The following NLN variants were observed in gnomAD, a reference collection of about 807,000 sequenced individuals.
The protein encoded by NLN is neurolysin, mitochondrial.
A neutral mutation model predicts 79.9 loss-of-function variants in NLN; 64 were observed. The ratio of observed to expected loss-of-function variants is 0.80; its 90% confidence interval spans 0.65 to 0.99. The LOEUF is 0.99. NLN is among the 50% of genes least tolerant of loss of function. The pLI, the probability that NLN is intolerant of heterozygous loss-of-function variation, is 0.00. For synonymous variants in NLN, 267 were observed against 296.6 expected (o/e 0.90, Z 1.02); for missense variants, 835 against 858.7 (o/e 0.97, Z 0.34).
intron 1 of NLN, among the ~76,000 whole-genome samples, chr5:65,740,307 C>T (rs1378550424): frequency 1.3e-5 from 2 of 152,022 alleles, no homozygotes; most frequent in Non-Finnish European, 1.5e-5. Context: ...ACAAAACTGG[C>T]TCCTATGACA....
chr5:65,726,383 ATAGC>A (rs1286612260), intron 1 of NLN, among the ~76,000 whole-genome samples: 1 of 152,240 alleles, frequency 6.6e-6, no homozygotes, highest in Admixed American at 6.5e-5. Flanking sequence ...AATGAAAAAT[ATAGC>A]TACTAGTATA....
rs1003232189 is a variant in NLN at position 65,828,980 on chromosome 5, TG to T, written c.*6066del. On this transcript the variant is annotated 3_prime_UTR_variant, in exon 13 of 13. Coordinates refer to ENST00000380985, the MANE Select transcript of NLN (RefSeq NM_020726.5). ...GGTTTTCTGGTGGGTATCTGGGAAC[TG>T]AGGATGGGAGATTAACTGTTGTATA... is the stretch of plus-strand genomic sequence containing the variant. 6.6e-6 allele frequency: 1 copy of T among 152,226 alleles called. No individual in the cohort carries two copies. Among genetic ancestry groups the T allele is most frequent in the African/African-American group, 2.4e-5 (1 of 41,460 alleles). 9.4% of individuals were successfully genotyped at this position (152,226 alleles called of 1,614,324 possible). A position where few individuals can be genotyped will look rare whatever the true frequency, so the allele number is the denominator to read the frequency against.
intron 3 of NLN, among the ~76,000 whole-genome samples, chr5:65,775,658 A>G (rs1759664708): frequency 2.0e-5 from 3 of 152,244 alleles, no homozygotes; most frequent in African/African-American, 4.8e-5. Flanking sequence ...CAAGTTAATC[A>G]CATCCGCAGG....
At chr5:65,822,242 C>T (rs1760819026) in intron 12 of NLN, among the ~76,000 whole-genome samples, 1 of 152,224 alleles carries the variant, frequency 6.6e-6, no homozygotes, top group South Asian at 2.1e-4. Flanking sequence ...GCATCGGACC[C>T]ACAAAAATGT....
rs1189131040 is a variant in NLN at position 65,828,747 on chromosome 5, T to C, written c.*5832T>C. ...GAGTTGACATTTGTGCCAAACCGGCTTTTAGGGCTTCTCCAGCTTTTAAGA... is the reference window on the plus strand; with the variant it reads ...GAGTTGACATTTGTGCCAAACCGGCCTTTAGGGCTTCTCCAGCTTTTAAGA... On this transcript the variant is annotated 3_prime_UTR_variant, in exon 13 of 13. Coordinates refer to ENST00000380985, the MANE Select transcript of NLN (RefSeq NM_020726.5). 1.3e-5 allele frequency: 2 copies of C among 152,208 alleles called. No individual in the cohort carries two copies. Among genetic ancestry groups the C allele is most frequent in the Non-Finnish European group, 2.9e-5 (2 of 68,038 alleles). The allele number at this position is 152,208 out of a possible 1,614,324, so 9.4% of individuals were successfully genotyped here.
At position 65,758,614 on chromosome 5, in the gene NLN, T is replaced by C; in HGVS notation, c.89T>C (p.Val30Ala). The change falls in exon 2 of 13, where the codon GTG becomes GCG. Residue 30 changes from valine to alanine, a missense_variant. By Grantham distance (64) the Val-to-Ala change is moderately conservative (BLOSUM62 0). Transcript: ENST00000380985. Reference protein sequence around the residue: ...ILLRMTLGREVMSPLQAMSSY... With the variant: ...ILLRMTLGREAMSPLQAMSSY... ...CTCAGAATGACGTTAGGAAGAGAAG[T>C]GATGTCTCCTCTTCAGGCAATGTCT... 10 of 1,601,866 alleles carry C rather than the reference T, an allele frequency of 6.2e-6. No individual in the cohort carries two copies. Among genetic ancestry groups the C allele is most frequent in the Non-Finnish European group, 6.0e-6 (7 of 1,168,988 alleles).
intron 12 of NLN, among the ~76,000 whole-genome samples, chr5:65,822,401 G>T (rs1390521334): frequency 2.0e-5 from 3 of 152,240 alleles, no homozygotes; most frequent in African/African-American, 7.2e-5. Flanking sequence ...TACCCAGAAG[G>T]CTATTTGTAG....
chr5:65,747,616 T>C (rs1023557296), intron 1 of NLN, among the ~76,000 whole-genome samples: 45 of 152,190 alleles, frequency 3.0e-4, no homozygotes, highest in African/African-American at 1.1e-3. Flanking sequence ...GGGCCTCACA[T>C]GTGTACGGAT....
chr5:65,798,272 C>T (rs922520434), intron 9 of NLN, among the ~76,000 whole-genome samples: 1 of 152,140 alleles, frequency 6.6e-6, no homozygotes, highest in Admixed American at 6.5e-5. Flanking sequence ...AATGAAAAAT[C>T]TGAGACATAG....
In NLN at chr5:65,825,408, T is replaced by G. The variant is rs1393336109; in HGVS notation, c.*2493T>G. On this transcript the variant is annotated 3_prime_UTR_variant, in exon 13 of 13. Coordinates refer to ENST00000380985, the MANE Select transcript of NLN (RefSeq NM_020726.5). ...GCCTCTTTCGGGTTTTTTGTTTTTT[T>G]TTTAGGCATTGTTATGTTGTGAAGG... 1 of 152,198 alleles carries G rather than the reference T, an allele frequency of 6.6e-6. No individual in the cohort carries two copies. Among genetic ancestry groups the G allele is most frequent in the African/African-American group, 2.4e-5 (1 of 41,440 alleles). 9.4% of individuals were successfully genotyped at this position (152,198 alleles called of 1,614,324 possible).
chr5:65,824,236 A>G lies in NLN; in HGVS notation c.*1321A>G, dbSNP rs1384902351. On this transcript the variant is annotated 3_prime_UTR_variant, in exon 13 of 13. Transcript: ENST00000380985. ...TATGACTTTGCTAGCCGGGGACAAA[A>G]TTAGCACCTTCCGATTCTCTAGTCC... 1 of 152,164 alleles carries G rather than the reference A, an allele frequency of 6.6e-6. No homozygotes were observed. The highest frequency in any genetic ancestry group is 1.5e-5 in the Non-Finnish European group (1 of 68,018). 9.4% of individuals were successfully genotyped at this position (152,164 alleles called of 1,614,324 possible).
chr5:65,755,287 G>T (rs1477699383), intron 1 of NLN, among the ~76,000 whole-genome samples: 1 of 152,064 alleles, frequency 6.6e-6, no homozygotes, highest in Non-Finnish European at 1.5e-5. Flanking sequence ...CAAAACTTTT[G>T]ATCTAAAACC....
Position 65,722,253 on chromosome 5 carries a change from C to A in NLN, c.-121C>A. 3.2e-6 allele frequency: 2 copies of A among 618,746 alleles called. No homozygotes were observed. Among genetic ancestry groups the A allele is most frequent in the Non-Finnish European group, 5.1e-6 (2 of 395,704 alleles). 38.3% of individuals were successfully genotyped at this position (618,746 alleles called of 1,614,324 possible). On this transcript the variant is annotated 5_prime_UTR_variant, in exon 1 of 13. Coordinates refer to ENST00000380985, the MANE Select transcript of NLN (RefSeq NM_020726.5). ...ACGTGGGAGGGCGCTGGCCAGGCAG[C>A]CACTGTGGCCTCTGCGGCTAGGCCG...
intron 8 of NLN, 121 bp downstream of exon 8, chr5:65,788,605 G>T (rs536039705): frequency 9.0e-6 from 9 of 995,770 alleles, no homozygotes; most frequent in African/African-American, 8.1e-5. Flanking sequence ...GGAGGCCAAG[G>T]TGGGAGGATT....
At chr5:65,771,863 A>G (rs536592689) in intron 3 of NLN, among the ~76,000 whole-genome samples, 2 of 152,150 alleles carry the variant, frequency 1.3e-5, no homozygotes, top group East Asian at 3.9e-4. Context: ...CCAAAAATAC[A>G]GAAATTAGCC....
chr5:65,789,645 G>A (rs1203296605), intron 8 of NLN, among the ~76,000 whole-genome samples: 1 of 152,168 alleles, frequency 6.6e-6, no homozygotes, highest in African/African-American at 2.4e-5. Flanking sequence ...GGCATCTGTA[G>A]TCTCAGCTAC....
chr5:65,755,761 T>C (rs1000847880), intron 1 of NLN, among the ~76,000 whole-genome samples: 10 of 152,192 alleles, frequency 6.6e-5, no homozygotes, highest in Non-Finnish European at 1.2e-4. Flanking sequence ...GTTGTAAGCA[T>C]CAACTAGTAT....
chr5:65,810,041 T>C lies in NLN; in HGVS notation c.1719T>C (p.Leu573=), dbSNP rs754956446. The change falls in exon 11 of 13, where the codon CTT becomes CTC. Residue 573 remains leucine, a synonymous_variant. Transcript: ENST00000380985. ...CAAACATTCTTATGTTATTAGGTCT[T>C]CTGACCCTGCGCCAGATTGTTTTGA... ...LVASRLVNTG[L]LTLRQIVLSK... is the part of the protein sequence containing the mutation. 1.2e-6 allele frequency: 2 copies of C among 1,614,018 alleles called. No homozygotes were observed. The highest frequency in any genetic ancestry group is 1.7e-6 in the Non-Finnish European group (2 of 1,180,008).
intron 1 of NLN, among the ~76,000 whole-genome samples, chr5:65,723,658 A>ACAAAAAATT (rs1758376318): frequency 6.6e-6 from 1 of 151,636 alleles, no homozygotes; most frequent in Admixed American, 6.6e-5. Flanking sequence ...ACTAAAAAAT[A>ACAAAAAATT]CAAAAAATTA....
Sources: gnomAD v4.1 joint callset for allele counts (sites outside exome capture counted in the v4.1 genomes callset) on GRCh38, gnomAD v4.1.1 for gene constraint, MANE v1.5 for transcripts, NCBI Gene and HGNC (gene_info 2026-07-23, HGNC 2026-07-21) for gene names.